The following SYN2 variants were observed in gnomAD, a reference collection of about 807,000 sequenced individuals.
SYN2 encodes the protein synapsin II.
A neutral mutation model predicts 50.9 loss-of-function variants in SYN2; 19 were observed. The ratio of observed to expected loss-of-function variants is 0.37; its 90% CI spans 0.26 to 0.55. SYN2 has a LOEUF of 0.55. SYN2 is among the 20% of genes least tolerant of loss of function. SYN2 has a pLI of 0.81. For missense variants in SYN2, 587 were observed against 576.4 expected, an observed-to-expected ratio of 1.02 and a Z score of -0.19; for synonymous variants, 255 against 224.9, an observed-to-expected ratio of 1.13 and a Z score of -1.20.
At position 12,190,800 on chromosome 3, in the gene SYN2, C is replaced by G; in HGVS notation, c.*175C>G. 1 of 1,376,428 alleles carries G rather than the reference C, an allele frequency of 7.3e-7. No individual in the cohort carries two copies. 85.3% of individuals were successfully genotyped at this position (1,376,428 alleles called of 1,614,324 possible). On this transcript the variant is annotated 3_prime_UTR_variant, in exon 13 of 13. Transcript: ENST00000621198. ...CCCAGAAAGGACCATTTGACAGTCTCAGGGCAGGTGCCTACCCAGCAAGGG... is the reference window on the plus strand; with the variant it reads ...CCCAGAAAGGACCATTTGACAGTCTGAGGGCAGGTGCCTACCCAGCAAGGG...
intron 1 of SYN2, among the ~76,000 whole-genome samples, chr3:12,067,639 A>G (rs1695244585): frequency 6.6e-6 from 1 of 151,772 alleles, no homozygotes; most frequent in African/African-American, 2.4e-5. Context: ...AAGGAAAGAA[A>G]GAAAGGGAAA....
intron 1 of SYN2, among the ~76,000 whole-genome samples, chr3:12,107,052 T>A (rs1049783938): frequency 4.6e-5 from 7 of 151,994 alleles, no homozygotes; most frequent in Admixed American, 2.6e-4. Context: ...GGGTGAGGAC[T>A]AGTTGGATTA....
intron 1 of SYN2, among the ~76,000 whole-genome samples, chr3:12,065,911 A>G (rs1199644267): frequency 7.9e-5 from 12 of 152,122 alleles, no homozygotes; most frequent in Admixed American, 2.6e-4. Context: ...GTATGATTCC[A>G]TTTATATGAA....
rs778626832 is a variant in SYN2 at position 12,004,560 on chromosome 3, C to T, written c.9C>T (p.Asn3=). Residue 3 remains asparagine (N), a synonymous_variant, in exon 1 of 13, where the codon AAC becomes AAT. Coordinates refer to ENST00000621198, the MANE Select transcript of SYN2 (RefSeq NM_133625.6). The stretch of plus-strand genomic sequence containing the variant: ...CCAGCCCTTTAAGCCAGATGATGAA[C>T]TTCCTGCGGCGCCGGCTGTCGGACA... MM[N]FLRRRLSDSS... 1.5e-6 allele frequency: 1 copy of T among 669,430 alleles called. No homozygotes were observed. The highest frequency in any genetic ancestry group is 1.6e-5 in the South Asian group (1 of 62,870). The allele number at this position is 669,430 out of a possible 1,614,324, so 41.5% of individuals were successfully genotyped here.
chr3:12,017,122 GAGAA>G (rs1245645380), intron 1 of SYN2, among the ~76,000 whole-genome samples: 2 of 152,122 alleles, frequency 1.3e-5, no homozygotes, highest in Non-Finnish European at 2.9e-5. Context: ...TTAAGAGTAA[GAGAA>G]AGAGCCAAAG....
chr3:12,026,451 A>G (rs1694258985), intron 1 of SYN2, among the ~76,000 whole-genome samples: 1 of 152,114 alleles, frequency 6.6e-6, no homozygotes, highest in African/African-American at 2.4e-5. Context: ...TCTGATCACT[A>G]TGAGAAAATA....
chr3:12,146,439 G>A (rs75879263), intron 4 of SYN2, among the ~76,000 whole-genome samples: 56 of 152,316 alleles, frequency 3.7e-4, no homozygotes, highest in East Asian at 9.6e-4. Flanking sequence ...GAAAATTAAA[G>A]AAGGAAAGTA....
chr3:12,161,735 C>A, intron 6 of SYN2, 127 bp downstream of exon 6: 1 of 1,220,032 alleles, frequency 8.2e-7, no homozygotes, highest in Non-Finnish European at 1.2e-6. Flanking sequence ...GATGATTTGC[C>A]ACCTCTAAAG....
At chr3:12,040,153 T>C (rs1009757025) in intron 1 of SYN2, among the ~76,000 whole-genome samples, 21 of 152,306 alleles carry the variant, frequency 1.4e-4, no homozygotes, top group African/African-American at 4.3e-4. Flanking sequence ...TTGTTGGATT[T>C]TCATTAACTA....
At chr3:12,006,075 C>T (rs1215479734) in intron 1 of SYN2, among the ~76,000 whole-genome samples, 1 of 151,920 alleles carries the variant, frequency 6.6e-6, no homozygotes, top group Non-Finnish European at 1.5e-5. Flanking sequence ...ACAGAGAGAC[C>T]ACAGAGCTAT....
chr3:12,105,684 C>T (rs1390565125), intron 1 of SYN2, among the ~76,000 whole-genome samples: 1 of 151,918 alleles, frequency 6.6e-6, no homozygotes, highest in Non-Finnish European at 1.5e-5. Flanking sequence ...AGATTTTTCT[C>T]TCTTAAGATT....
chr3:12,121,779 G>T (rs1350629260), intron 1 of SYN2, among the ~76,000 whole-genome samples: 1 of 152,028 alleles, frequency 6.6e-6, no homozygotes, highest in African/African-American at 2.4e-5. Context: ...GAAAAATAGA[G>T]ACTTATTTTT....
chr3:12,098,388 A>G (rs1331961587), intron 1 of SYN2, among the ~76,000 whole-genome samples: 2 of 152,192 alleles, frequency 1.3e-5, no homozygotes, highest in Non-Finnish European at 2.9e-5. Flanking sequence ...GGCATACAAT[A>G]TATAAAAATA....
At chr3:12,056,945 T>C (rs1206961065) in intron 1 of SYN2, among the ~76,000 whole-genome samples, 1 of 152,222 alleles carries the variant, frequency 6.6e-6, no homozygotes, top group Non-Finnish European at 1.5e-5. Context: ...CTGGTTATAT[T>C]ACTTGTTCTA....
At chr3:12,182,383 A>G (rs548690258) in intron 10 of SYN2, among the ~76,000 whole-genome samples, 1 of 152,340 alleles carries the variant, frequency 6.6e-6, no homozygotes, top group South Asian at 2.1e-4. Flanking sequence ...TAGGCTTCAC[A>G]GAACATTTCC....
chr3:12,114,754 G>A (rs1696393142), intron 1 of SYN2, among the ~76,000 whole-genome samples: 1 of 152,146 alleles, frequency 6.6e-6, no homozygotes, highest in African/African-American at 2.4e-5. Flanking sequence ...ATTTAGAAAT[G>A]TACTATTTCT....
At chr3:12,096,167 G>T (rs531733720) in intron 1 of SYN2, among the ~76,000 whole-genome samples, 1 of 152,270 alleles carries the variant, frequency 6.6e-6, no homozygotes, top group South Asian at 2.1e-4. Context: ...TCCTAGGCCA[G>T]GTCACCATCA....
chr3:12,074,491 C>G (rs1472514856), intron 1 of SYN2, among the ~76,000 whole-genome samples: 1 of 152,090 alleles, frequency 6.6e-6, no homozygotes, highest in Non-Finnish European at 1.5e-5. Context: ...AGTGAATACT[C>G]TTAAAATTTT....
chr3:12,133,034 C>T (rs1001541849), intron 1 of SYN2, among the ~76,000 whole-genome samples: 1 of 152,170 alleles, frequency 6.6e-6, no homozygotes, highest in Non-Finnish European at 1.5e-5. Context: ...TCAGTTTACC[C>T]CTAATCATCT....
Sources: allele counts gnomAD v4.1 joint callset (sites outside exome capture counted in the v4.1 genomes callset), GRCh38; gene constraint gnomAD v4.1.1; transcripts MANE v1.5; gene names NCBI Gene and HGNC (gene_info 2026-07-23, HGNC 2026-07-21).